ARHGEF38: variants seen among roughly 807,000 people sequenced by gnomAD.
ARHGEF38 encodes Rho guanine nucleotide exchange factor 38.
Under a neutral mutation model 79.9 loss-of-function variants are expected in ARHGEF38, and 79 were observed. That is an observed-to-expected ratio of 0.99 (90% CI 0.82 to 1.19). The LOEUF is 1.19. Ranked by LOEUF, ARHGEF38 falls within the 50% of genes most tolerant of loss-of-function variation. ARHGEF38 has a pLI of 0.00. For synonymous variants in ARHGEF38, 366 were observed against 328.3 expected (o/e 1.11, Z -1.24); for missense variants, 962 against 907.2 (o/e 1.06, Z -0.78).
rs1730224029 is a variant in ARHGEF38 at position 105,654,111 on chromosome 4, T to G, written c.1055T>G (p.Leu352Ter). ...FNREEKLFRA[L>*]EKTVRLCVKN... Reference sequence around the variant, plus strand: ...AGAGAAGAAAAGCTGTTTAGAGCTTTAGAAAAGACTGTGAGGCTTTGTGTG... The same window carrying G: ...AGAGAAGAAAAGCTGTTTAGAGCTTGAGAAAAGACTGTGAGGCTTTGTGTG... The change falls in exon 8 of 14, where the codon TTA becomes TGA. Residue 352 changes from leucine (L) to a stop codon, truncating the protein, a stop_gained. Coordinates refer to ENST00000420470, the MANE Select transcript of ARHGEF38 (RefSeq NM_001242729.2). LOFTEE classifies it high-confidence loss of function. The G allele has an allele frequency of 2.0e-6, 3 of 1,522,318 alleles. No homozygotes were observed. The highest frequency in any genetic ancestry group is 2.4e-5 in the South Asian group (2 of 81,640). 94.3% of individuals were successfully genotyped at this position (1,522,318 alleles called of 1,614,324 possible). A position where few individuals can be genotyped will look rare whatever the true frequency, so the allele number is the denominator to read the frequency against.
intron 4 of ARHGEF38, 53 bp downstream of exon 4, chr4:105,631,098 A>G: frequency 6.4e-7 from 1 of 1,557,162 alleles, no homozygotes; most frequent in Non-Finnish European, 8.6e-7. Flanking sequence ...CCTAGCAGGG[A>G]ACATTTTAAA....
chr4:105,553,468 C>T (rs545881442), intron 1 of ARHGEF38, among the ~76,000 whole-genome samples: 5 of 152,036 alleles, frequency 3.3e-5, no homozygotes, highest in African/African-American at 1.2e-4. Flanking sequence ...GTCAGAGAGA[C>T]GGTATAAAAA....
rs1056064658 is a variant in ARHGEF38 at position 105,589,345 on chromosome 4, C to T, written c.294C>T (p.Ile98=). ...GGATGATGGCAAAGCGGGAAAAGAT[C>T]ATTAAGGAGCTGATACAGACAGAAA... ...MKRMMAKREK[I]IKELIQTEKD... The change falls in exon 2 of 14, where the codon ATC becomes ATT. Residue 98 remains isoleucine (I), a synonymous_variant. Transcript: ENST00000420470. 1.9e-6 allele frequency: 3 copies of T among 1,614,050 alleles called. No individual in the cohort carries two copies. Among genetic ancestry groups the T allele is most frequent in the Non-Finnish European group, 2.5e-6 (3 of 1,179,982 alleles).
chr4:105,557,632 TTC>T (rs1725314120), intron 1 of ARHGEF38, among the ~76,000 whole-genome samples: 1 of 150,978 alleles, frequency 6.6e-6, no homozygotes, highest in African/African-American at 2.4e-5. Context: ...GAGAGCTTGC[TTC>T]TCTCTGCTCT....
chr4:105,589,220 C>T (rs1727200810), intron 1 of ARHGEF38, 28 bp from the exon 2 acceptor site: 4 of 1,572,304 alleles, frequency 2.5e-6, no homozygotes, highest in African/African-American at 2.7e-5. Flanking sequence ...AGCAGAATGC[C>T]TCACCTGTAT....
chr4:105,679,306 C>A lies in ARHGEF38; in HGVS notation c.*1369C>A, dbSNP rs1339775564. 5.1e-6 allele frequency: 4 copies of A among 791,648 alleles called. No individual in the cohort carries two copies. The highest frequency in any genetic ancestry group is 8.7e-6 in the Non-Finnish European group (4 of 458,516). The allele number at this position is 791,648 out of a possible 1,614,324, so 49.0% of individuals were successfully genotyped here. A position where few individuals can be genotyped will look rare whatever the true frequency, so the allele number is the denominator to read the frequency against. ...TCCAGCCGGAATCATGCCACTTTGC[C>A]TGTAACCTTTGACTCAATTGGAGGA... On this transcript the variant is annotated 3_prime_UTR_variant, in exon 14 of 14. Transcript: ENST00000420470.
intron 2 of ARHGEF38, among the ~76,000 whole-genome samples, chr4:105,605,572 A>G (rs1728004113): frequency 6.6e-6 from 1 of 152,190 alleles, no homozygotes; most frequent in Non-Finnish European, 1.5e-5. Context: ...GACTTGCTGT[A>G]TAGCTGTGAT....
intron 7 of ARHGEF38, among the ~76,000 whole-genome samples, chr4:105,651,028 T>C (rs1175702410): frequency 6.6e-6 from 1 of 152,098 alleles, no homozygotes; most frequent in African/African-American, 2.4e-5. Context: ...CCCCCCCAAG[T>C]CTTTGGGATT....
chr4:105,585,725 G>GTTTTTTTTTTTTTTTTTT (rs1491390111), intron 1 of ARHGEF38, among the ~76,000 whole-genome samples: 1 of 14,440 alleles, frequency 6.9e-5, no homozygotes, highest in Non-Finnish European at 1.3e-4. Flanking sequence ...CCCCTCCGTT[G>GTTTTTTTTTTTTTTTTTT]CTTTTTTTTT....
At chr4:105,559,382 G>A (rs1231343279) in intron 1 of ARHGEF38, among the ~76,000 whole-genome samples, 1 of 152,074 alleles carries the variant, frequency 6.6e-6, no homozygotes, top group African/African-American at 2.4e-5. Context: ...TAGGCCTAAG[G>A]CACAATTGAT....
intron 2 of ARHGEF38, among the ~76,000 whole-genome samples, chr4:105,596,337 G>A (rs1284741968): frequency 6.6e-6 from 1 of 152,118 alleles, no homozygotes; most frequent in Admixed American, 6.5e-5. Flanking sequence ...GCACTCCAGG[G>A]CTCAGGCATT....
chr4:105,558,604 C>T (rs1310960145), intron 1 of ARHGEF38, among the ~76,000 whole-genome samples: 6 of 152,134 alleles, frequency 3.9e-5, no homozygotes, highest in East Asian at 3.9e-4. Flanking sequence ...GTGTAAAACA[C>T]GGTATTTTAC....
rs569086763 is a variant in ARHGEF38, at chr4:105,648,858, C to A, written c.1008+176C>A. 4.9e-3 allele frequency among the ~76,000 whole-genome samples: 747 copies of A among 151,710 alleles called. 6 individuals are homozygous for A. The highest frequency in any genetic ancestry group is 0.017 in the African/African-American group (696 of 41,226). On this transcript the variant is annotated intron_variant, in intron 7 of 13. Transcript: ENST00000420470. ...TCTCTCTCTCTCTCTTTCTCTCTCT[C>A]TCTCTCTCTCTCTGGAAAACAGGGG... is the stretch of plus-strand genomic sequence containing the variant.
intron 10 of ARHGEF38, among the ~76,000 whole-genome samples, chr4:105,663,454 A>G (rs909163055): frequency 2.0e-5 from 3 of 152,160 alleles, no homozygotes; most frequent in African/African-American, 7.2e-5. Flanking sequence ...CTCATTAAAC[A>G]AGTCCCCATA....
Position 105,552,804 on chromosome 4 carries a change from C to T in ARHGEF38, c.39C>T (p.Val13=). The change falls in exon 1 of 14, where the codon GTC becomes GTT. Residue 13 remains valine, a synonymous_variant. Transcript: ENST00000420470. ...AAGCCACTGGGAAAGAAAACATGGT[C>T]ACCAAGAAAAAGAATCTGGCCTTCT... ...PKEATGKENM[V]TKKKNLAFLR... is the part of the protein sequence containing the mutation. 1 of 1,611,986 alleles carries T rather than the reference C, an allele frequency of 6.2e-7. No individual in the cohort carries two copies. Among genetic ancestry groups the T allele is most frequent in the Non-Finnish European group, 8.5e-7 (1 of 1,179,394 alleles).
chr4:105,582,564 T>C (rs1005043781), intron 1 of ARHGEF38, among the ~76,000 whole-genome samples: 1 of 152,166 alleles, frequency 6.6e-6, no homozygotes, highest in African/African-American at 2.4e-5. Context: ...TTTATTTTTG[T>C]TATTTATTTC....
rs556635506 is a variant in ARHGEF38, at chr4:105,680,337, G to C, written c.*2400G>C. On this transcript the variant is annotated 3_prime_UTR_variant, in exon 14 of 14. Transcript: ENST00000420470. ...TACAATCCTAAAAGCTTACTTGTTA[G>C]CACACTTGCTTATCTGTCCATTCAT... 2 of 275,090 alleles carry C rather than the reference G, an allele frequency of 7.3e-6. No homozygotes were observed. The highest frequency in any genetic ancestry group is 4.5e-5 in the South Asian group (1 of 22,344). The allele number at this position is 275,090 out of a possible 1,614,324, so 17.0% of individuals were successfully genotyped here. A position where few individuals can be genotyped will look rare whatever the true frequency, so the allele number is the denominator to read the frequency against.
Position 105,679,813 on chromosome 4 carries a change from A to T in ARHGEF38, c.*1876A>T. On this transcript the variant is annotated 3_prime_UTR_variant, in exon 14 of 14. Transcript: ENST00000420470. ...CAGCTTTACCCACGCATCCAGAGAG[A>T]TGGATATAGGACTCAATATCCTGAG... 1 of 1,186,828 alleles carries T rather than the reference A, an allele frequency of 8.4e-7. No individual in the cohort carries two copies. Among genetic ancestry groups the T allele is most frequent in the Admixed American group, 1.7e-5 (1 of 57,910 alleles). 73.5% of individuals were successfully genotyped at this position (1,186,828 alleles called of 1,614,324 possible). A position where few individuals can be genotyped will look rare whatever the true frequency, so the allele number is the denominator to read the frequency against.
chr4:105,657,687 CTTTG>C (rs1000143798), intron 9 of ARHGEF38, among the ~76,000 whole-genome samples: 1 of 151,982 alleles, frequency 6.6e-6, no homozygotes, highest in Non-Finnish European at 1.5e-5. Context: ...TAAATAGATT[CTTTG>C]TTTATCAAGG....
Sources: allele counts gnomAD v4.1 joint callset (sites outside exome capture counted in the v4.1 genomes callset), GRCh38; gene constraint gnomAD v4.1.1; transcripts MANE v1.5; gene names NCBI Gene and HGNC (gene_info 2026-07-23, HGNC 2026-07-21).